Variants in MGA observed in about 807,000 individuals in gnomAD.
MGA encodes MAX dimerization protein MGA.
In MGA, 40 loss-of-function variants were observed where a neutral mutation model predicts 261.1. The observed-to-expected ratio is 0.15, with a 90% CI of 0.12 to 0.20. The LOEUF (loss-of-function observed/expected upper bound fraction) is 0.20, where lower values mean the gene tolerates loss of function less well. MGA is among the 10% of genes least tolerant of loss of function. The pLI is 1.00. For synonymous variants in MGA, 1,302 were observed against 1,290.6 expected, an observed-to-expected ratio of 1.01 and a Z score of -0.19; for missense variants, 3,397 against 3,630.5, an observed-to-expected ratio of 0.94 and a Z score of 1.65.
chr15:41,676,121 A>G lies in MGA; in HGVS notation c.1064+6163A>G, dbSNP rs545160632. 4.6e-5 allele frequency among the ~76,000 whole-genome samples: 7 copies of G among 152,294 alleles called. No homozygotes were observed. In the East Asian group the frequency reaches 1.3e-3, roughly 29 times the overall value. On this transcript the variant is annotated intron_variant, in intron 2 of 23. Transcript: ENST00000219905. ...TTTCTGGCACATATATTTTTCTCAC[A>G]AGAAAGCTCATCAGAATGCAAGTGA...
At chr15:41,728,325 C>T (rs2061350276) in intron 10 of MGA, among the ~76,000 whole-genome samples, 3 of 152,036 alleles carry the variant, frequency 2.0e-5, no homozygotes, top group Admixed American at 1.3e-4. Context: ...AGCAAGACTC[C>T]ATCTCAAAAA....
intron 9 of MGA, among the ~76,000 whole-genome samples, chr15:41,722,085 C>CTT (rs1316197892): frequency 4.1e-5 from 6 of 147,100 alleles, no homozygotes; most frequent in African/African-American, 1.5e-4. Flanking sequence ...AAGAATGTAT[C>CTT]TTTGATTCCA....
intron 2 of MGA, among the ~76,000 whole-genome samples, chr15:41,690,839 A>G (rs1193037682): frequency 2.6e-5 from 4 of 152,012 alleles, no homozygotes; most frequent in African/African-American, 4.8e-5. Flanking sequence ...TGATTGCACC[A>G]TTGCACTCTA....
chr15:41,715,607 A>C (rs1004936844), intron 9 of MGA, among the ~76,000 whole-genome samples: 2 of 152,090 alleles, frequency 1.3e-5, no homozygotes, highest in African/African-American at 4.8e-5. Context: ...TTGTACTATC[A>C]CTTATTGAGA....
Position 41,748,649 on chromosome 15 carries a change from A to G in MGA, c.5225A>G (p.Gln1742Arg), listed in dbSNP as rs1330248572. ...TCCTGTTTTTCAGAAAATGCTGCTC[A>G]AATTCCAGTGGCTACTCCACAGGTC... is the stretch of plus-strand genomic sequence containing the variant. The change falls in exon 16 of 24, where the codon CAA (glutamine) becomes CGA (arginine). Residue 1742 changes from glutamine (Q) to arginine (R), a missense_variant. By Grantham distance (43) the Gln-to-Arg change is conservative. Around this residue, in one of 9 missense-constraint regions of MGA, gnomAD observed 1,410 missense variants for 1,386.4 expected, o/e 1.02. Coordinates refer to ENST00000219905, the MANE Select transcript of MGA (RefSeq NM_001164273.2). 8 of 1,608,990 alleles carry G rather than the reference A, an allele frequency of 5.0e-6. No homozygotes were observed. The highest frequency in any genetic ancestry group is 1.1e-5 in the South Asian group (1 of 90,726).
chr15:41,731,114 C>T (rs1450943080), intron 11 of MGA, among the ~76,000 whole-genome samples: 1 of 152,052 alleles, frequency 6.6e-6, no homozygotes, highest in Admixed American at 6.6e-5. Context: ...TTCTTAAAAG[C>T]TCCTGTATTT....
At position 41,750,273 on chromosome 15, in the gene MGA, T is replaced by C. The variant is rs1007842173; in HGVS notation, c.6666T>C (p.Ser2222=). The change falls in exon 17 of 24, where the codon TCT becomes TCC. Residue 2222 remains serine (S), a synonymous_variant. Transcript: ENST00000219905. ...TGTTTCAGCAAGAACAAGGCATCTC[T>C]GACTTACTTGGAAAAAGTGGAATTA... is the stretch of plus-strand genomic sequence containing the variant. 29 of 1,613,894 alleles carry C rather than the reference T, an allele frequency of 1.8e-5. No individual in the cohort carries two copies. Among genetic ancestry groups the C allele is most frequent in the Non-Finnish European group, 2.5e-5 (29 of 1,179,896 alleles).
chr15:41,738,274 C>T (rs1189614041), intron 13 of MGA, among the ~76,000 whole-genome samples: 1 of 151,522 alleles, frequency 6.6e-6, no homozygotes, highest in African/African-American at 2.4e-5. Context: ...TGGCGTGTGC[C>T]TGTAATCCCA....
At chr15:41,623,555 A>C (rs112593659) in intron 1 of MGA, among the ~76,000 whole-genome samples, 10,051 of 151,540 alleles carry the variant, frequency 0.066, 485 homozygotes, top group Middle Eastern at 0.11. Flanking sequence ...GACTAGCCTG[A>C]CCAACATGGA....
intron 1 of MGA, among the ~76,000 whole-genome samples, chr15:41,653,159 G>A (rs2057102239): frequency 6.6e-6 from 1 of 152,070 alleles, no homozygotes. Flanking sequence ...CTGAGGTCAG[G>A]AGTTCGAGAC....
chr15:41,738,987 C>T (rs747361586), intron 13 of MGA, among the ~76,000 whole-genome samples: 2 of 152,126 alleles, frequency 1.3e-5, no homozygotes, highest in Non-Finnish European at 2.9e-5. Context: ...AGAGTAGATT[C>T]TACCTCACTC....
At chr15:41,745,281 T>TAAAAAA (rs71108126) in intron 15 of MGA, among the ~76,000 whole-genome samples, 2 of 33,238 alleles carry the variant, frequency 6.0e-5, no homozygotes, top group African/African-American at 1.7e-4. Context: ...GAATGATCAA[T>TAAAAAA]AAAAAAAAAA....
chr15:41,769,322 G>GTT lies in MGA; in HGVS notation c.*2042_*2043insTT, dbSNP rs2063946195. 4.0e-5 allele frequency: 5 copies of GTT among 124,596 alleles called. No individual in the cohort carries two copies. Among genetic ancestry groups the GTT allele is most frequent in the Non-Finnish European group, 6.9e-5 (4 of 58,370 alleles). The allele number at this position is 124,596 out of a possible 1,614,324, so 7.7% of individuals were successfully genotyped here. ...TCCTTTTTTTTTTTTTTTTTTTTAA[G>GTT]AAGAATATAGGTAAACAGGTAATGA... is the stretch of plus-strand genomic sequence containing the variant. On this transcript the variant is annotated 3_prime_UTR_variant, in exon 24 of 24. Transcript: ENST00000219905.
At chr15:41,640,511 A>C (rs2056799649) in intron 1 of MGA, among the ~76,000 whole-genome samples, 1 of 151,916 alleles carries the variant, frequency 6.6e-6, no homozygotes, top group Non-Finnish European at 1.5e-5. Context: ...ATTTATTTGT[A>C]GGTATTTCCT....
chr15:41,691,777 A>G (rs1370808818), intron 2 of MGA: 1 of 230,270 alleles, frequency 4.3e-6, no homozygotes, highest in Non-Finnish European at 1.0e-5. Flanking sequence ...TTGAGTCACT[A>G]GTCAGTCTGT....
At chr15:41,702,716 A>G (rs545422868) in intron 5 of MGA, among the ~76,000 whole-genome samples, 3 of 152,242 alleles carry the variant, frequency 2.0e-5, no homozygotes, top group Non-Finnish European at 2.9e-5. Flanking sequence ...CCGTGGTACT[A>G]TATTTTTGTT....
intron 2 of MGA, among the ~76,000 whole-genome samples, chr15:41,674,363 T>A (rs1440166999): frequency 6.6e-6 from 1 of 150,508 alleles, no homozygotes; most frequent in Non-Finnish European, 1.5e-5. Flanking sequence ...GCCCGACTAA[T>A]TTTTTTGTAT....
intron 9 of MGA, among the ~76,000 whole-genome samples, chr15:41,719,278 C>T (rs2060816974): frequency 6.6e-6 from 1 of 151,974 alleles, no homozygotes; most frequent in South Asian, 2.1e-4. Context: ...ATATTGTTTT[C>T]ATTTATCAGA....
chr15:41,633,352 G>GTTT (rs1566923971), intron 1 of MGA, among the ~76,000 whole-genome samples: 1 of 93,986 alleles, frequency 1.1e-5, no homozygotes, highest in Non-Finnish European at 2.3e-5. Context: ...CCCTCCTATG[G>GTTT]TATTTTTTTT....
Sources: allele counts gnomAD v4.1 joint callset (sites outside exome capture counted in the v4.1 genomes callset), GRCh38; gene constraint gnomAD v4.1.1; regional missense constraint gnomAD v4.1.1; transcripts MANE v1.5; gene names NCBI Gene and HGNC (gene_info 2026-07-23, HGNC 2026-07-21).